ERI1: variants seen among roughly 807,000 people sequenced by gnomAD.
ERI1 encodes the protein 3'-5' exoribonuclease 1.
Under a neutral mutation model 39.7 loss-of-function variants are expected in ERI1, and 39 were observed. The ratio of observed to expected loss-of-function variants is 0.98; its 90% CI spans 0.76 to 1.28. The LOEUF is 1.28. ERI1 is among the 50% of genes most tolerant of loss of function. ERI1 has a pLI of 0.00. For synonymous variants in ERI1, 204 were observed against 149.6 expected (o/e 1.36, Z -2.65); for missense variants, 581 against 416.9 (o/e 1.39, Z -3.43).
intron 3 of ERI1, among the ~76,000 whole-genome samples, chr8:9,093,598 C>T (rs932792533): frequency 6.6e-6 from 1 of 152,020 alleles, no homozygotes; most frequent in African/African-American, 2.4e-5. Flanking sequence ...GACGGAATCT[C>T]ACTCTGTCAC....
chr8:9,028,973 G>GT (rs34569795), intron 6 of ERI1, among the ~76,000 whole-genome samples: 2,282 of 113,064 alleles, frequency 0.02, 25 homozygotes, highest in South Asian at 0.034. Context: ...GAGTGTGAGA[G>GT]TTTTTTTTTT....
At chr8:9,070,719 A>G (rs963188726) in intron 3 of ERI1, among the ~76,000 whole-genome samples, 4 of 152,238 alleles carry the variant, frequency 2.6e-5, no homozygotes, top group African/African-American at 9.6e-5. Context: ...GAAAGAGAAC[A>G]TTTGGCGTCT....
chr8:9,092,730 C>G (rs1004102661), intron 3 of ERI1, among the ~76,000 whole-genome samples: 2 of 152,130 alleles, frequency 1.3e-5, no homozygotes, highest in Non-Finnish European at 2.9e-5. Flanking sequence ...TTCTTGAGAC[C>G]AGGGATTTAT....
At position 9,031,880 on chromosome 8, in the gene ERI1, C is replaced by G. The variant is rs1377844568; in HGVS notation, c.*1846C>G. ...TCAGGTGATCCTCTTGCCTCAGCCT[C>G]CTGAGTAGCTCAGATTACAGGCGCG... On this transcript the variant is annotated 3_prime_UTR_variant, in exon 7 of 7. Coordinates refer to ENST00000250263, the MANE Select transcript of ERI1 (RefSeq NM_153332.4). 6.6e-6 allele frequency: 1 copy of G among 152,284 alleles called. No homozygotes were observed. The highest frequency in any genetic ancestry group is 1.5e-5 in the Non-Finnish European group (1 of 68,106). The allele number at this position is 152,284 out of a possible 1,614,324, so 9.4% of individuals were successfully genotyped here.
chr8:9,050,601 C>T (rs1295720772), intron 3 of ERI1, among the ~76,000 whole-genome samples: 3 of 151,940 alleles, frequency 2.0e-5, no homozygotes, highest in East Asian at 3.8e-4. Context: ...TCATTGGGAA[C>T]GTTTCACTGC....
chr8:9,086,749 T>C (rs1401290647), intron 3 of ERI1, among the ~76,000 whole-genome samples: 1 of 152,230 alleles, frequency 6.6e-6, no homozygotes, highest in Admixed American at 6.5e-5. Context: ...AAACACACAT[T>C]ATAGAATATT....
chr8:9,020,058 T>G (rs1461148542), intron 5 of ERI1, among the ~76,000 whole-genome samples: 1 of 152,202 alleles, frequency 6.6e-6, no homozygotes, highest in Non-Finnish European at 1.5e-5. Context: ...AAAAGTAAGC[T>G]TAGCATAATA....
intron 3 of ERI1, among the ~76,000 whole-genome samples, chr8:9,075,807 TTTA>T (rs1473114004): frequency 2.0e-5 from 3 of 152,192 alleles, no homozygotes; most frequent in African/African-American, 4.8e-5. Flanking sequence ...AAATTTTTTA[TTTA>T]TTATTTTTTA....
chr8:9,089,347 T>C (rs1472824543), intron 3 of ERI1, among the ~76,000 whole-genome samples: 1 of 152,232 alleles, frequency 6.6e-6, no homozygotes, highest in East Asian at 1.9e-4. Context: ...TCAAGTGGGC[T>C]TCCTGCCTTG....
At chr8:9,022,013 A>G (rs141330032) in intron 6 of ERI1, among the ~76,000 whole-genome samples, 1 of 152,014 alleles carries the variant, frequency 6.6e-6, no homozygotes, top group South Asian at 2.1e-4. Flanking sequence ...GAAAAACCTA[A>G]GAGTGCAGTT....
chr8:9,014,173 C>A (rs1255453372), intron 3 of ERI1, among the ~76,000 whole-genome samples: 1 of 152,138 alleles, frequency 6.6e-6, no homozygotes, highest in Non-Finnish European at 1.5e-5. Context: ...TAACTCATTC[C>A]ACTCCAGGCA....
In ERI1 at chr8:9,090,777, A is replaced by C. The variant is rs894447770; in HGVS notation, n.300-25571A>C. 2.6e-4 allele frequency among the ~76,000 whole-genome samples: 39 copies of C among 152,226 alleles called. 1 individual carries two copies. Among genetic ancestry groups the C allele is most frequent in the Non-Finnish European group, 2.9e-5 (2 of 68,040 alleles). The stretch of plus-strand genomic sequence containing the variant: ...AGTGGAGGAAAGACACAAGATCAAA[A>C]AACAACAACAACACAATAAAACAAT... On this transcript the variant is annotated intron_variant and non_coding_transcript_variant, in intron 3 of 3. Transcript: ENST00000518663.
chr8:9,052,040 T>C (rs910874511), intron 3 of ERI1, among the ~76,000 whole-genome samples: 1 of 152,212 alleles, frequency 6.6e-6, no homozygotes, highest in Non-Finnish European at 1.5e-5. Context: ...TAGTGAGAAA[T>C]GAAAGAATTA....
At chr8:9,052,420 C>A (rs1563358873) in intron 3 of ERI1, among the ~76,000 whole-genome samples, 1 of 152,148 alleles carries the variant, frequency 6.6e-6, no homozygotes, top group Non-Finnish European at 1.5e-5. Flanking sequence ...CAGTCACCTC[C>A]TATTCTGGTG....
Position 9,020,338 on chromosome 8 carries a change from T to C in ERI1, c.693-12T>C, listed in dbSNP as rs1190268991. Reference sequence around the variant, plus strand: ...TTATTTCATCAATTTTTTGTCCTTTTTTAATTTATAGTTCTTGGGATATGA... The same window carrying C: ...TTATTTCATCAATTTTTTGTCCTTTCTTAATTTATAGTTCTTGGGATATGA... On this transcript the variant is annotated splice_polypyrimidine_tract_variant and intron_variant, in intron 5 of 6. Coordinates refer to ENST00000250263, the MANE Select transcript of ERI1 (RefSeq NM_153332.4). 1 of 1,499,918 alleles carries C rather than the reference T, an allele frequency of 6.7e-7. No homozygotes were observed. Among genetic ancestry groups the C allele is most frequent in the East Asian group, 2.4e-5 (1 of 41,934 alleles). The allele number at this position is 1,499,918 out of a possible 1,614,324, so 92.9% of individuals were successfully genotyped here.
chr8:9,028,622 A>C (rs987149468), intron 6 of ERI1, among the ~76,000 whole-genome samples: 1 of 151,768 alleles, frequency 6.6e-6, no homozygotes, highest in Non-Finnish European at 1.5e-5. Context: ...AAAATATAAC[A>C]ATTTTTTTTT....
intron 4 of ERI1, 50 bp downstream of exon 4, chr8:9,016,455 T>G: frequency 8.4e-7 from 1 of 1,184,264 alleles, no homozygotes. Context: ...TTCTTGAAAT[T>G]AGGGATTTAT....
At chr8:9,097,734 AAAAGAAG>A (rs1377955046) in intron 3 of ERI1, among the ~76,000 whole-genome samples, 2 of 152,040 alleles carry the variant, frequency 1.3e-5, no homozygotes, top group African/African-American at 4.8e-5. Flanking sequence ...TAAAAGAAAG[AAAAGAAG>A]AAAGAAGAAA....
chr8:9,050,165 G>A (rs1213531550), intron 3 of ERI1, among the ~76,000 whole-genome samples: 3 of 35,414 alleles, frequency 8.5e-5, no homozygotes, highest in African/African-American at 3.4e-4. Context: ...TACATTCTAA[G>A]TGGTCAAAAA....
Sources: gnomAD v4.1 joint callset for allele counts (sites outside exome capture counted in the v4.1 genomes callset) on GRCh38, gnomAD v4.1.1 for gene constraint, MANE v1.5 for transcripts, NCBI Gene and HGNC (gene_info 2026-07-23, HGNC 2026-07-21) for gene names.